The following MEGF9 variants were observed in gnomAD, a reference collection of about 807,000 sequenced individuals.
MEGF9 encodes multiple EGF like domains 9.
Under a neutral mutation model 46.8 loss-of-function variants are expected in MEGF9, and 6 were observed. That is an observed-to-expected ratio of 0.13 (90% CI 0.07 to 0.25). The LOEUF (loss-of-function observed/expected upper bound fraction) is 0.25, where lower values mean the gene tolerates loss of function less well. Among genes scored for constraint, MEGF9 ranks in the 10% least tolerant of loss-of-function variants. The probability of loss-of-function intolerance (pLI) is 1.00; values close to 1 mark genes in which losing one functional copy is unlikely to be tolerated. For synonymous variants in MEGF9, 302 were observed against 330.7 expected (o/e 0.91, Z 0.94); for missense variants, 683 against 792.4 (o/e 0.86, Z 1.66).
chr9:120,713,790 G>C lies in MEGF9; in HGVS notation c.569C>G (p.Pro190Arg). 5 of 1,296,056 alleles carry C rather than the reference G, an allele frequency of 3.9e-6. No homozygotes were observed. The highest frequency in any genetic ancestry group is 4.9e-6 in the Non-Finnish European group (5 of 1,021,696). 80.3% of individuals were successfully genotyped at this position (1,296,056 alleles called of 1,614,324 possible). A position where few individuals can be genotyped will look rare whatever the true frequency, so the allele number is the denominator to read the frequency against. Residue 190 changes from proline (P) to arginine (R), a missense_variant, in exon 1 of 6, where the codon CCT becomes CGT. Around this residue, in one of 2 missense-constraint regions of MEGF9, gnomAD observed 370 missense variants for 371.3 expected, o/e 1.00. Coordinates refer to ENST00000373930, the MANE Select transcript of MEGF9 (RefSeq NM_001080497.3). Reference sequence around the variant, plus strand: ...AGGCGAAGAGGGGGCCTCGGTGGCAGGTGGGGTGGGGAGGACGCTGCTGTT... The same window carrying C: ...AGGCGAAGAGGGGGCCTCGGTGGCACGTGGGGTGGGGAGGACGCTGCTGTT... ...SSNSSVLPTPPATEAPSSPPP... is the reference protein window; with the variant it reads ...SSNSSVLPTPRATEAPSSPPP...
Position 120,713,928 on chromosome 9 carries a change from G to A in MEGF9, c.431C>T (p.Ala144Val), listed in dbSNP as rs764275105. ...AGTGGTCGTCGAAAGGGTGGTCGGC[G>A]CGGGTCTGGTCGGCGCCTGAGAGGT... is the stretch of plus-strand genomic sequence containing the variant. ...STTSQAPTRP[A>V]PTTLSTTTGP... is the part of the protein sequence containing the mutation. Residue 144 changes from alanine (A) to valine (V), a missense_variant, in exon 1 of 6, where the codon GCG becomes GTG. Physicochemically the swap from Ala to Val is moderately conservative, Grantham distance 64 (BLOSUM62 0). Coordinates refer to ENST00000373930, the MANE Select transcript of MEGF9 (RefSeq NM_001080497.3). The A allele has an allele frequency of 1.5e-6, 2 of 1,361,638 alleles. No individual in the cohort carries two copies. Among genetic ancestry groups the A allele is most frequent in the Admixed American group, 5.8e-5 (2 of 34,782 alleles). 84.3% of individuals were successfully genotyped at this position (1,361,638 alleles called of 1,614,324 possible).
chr9:120,697,137 C>G (rs372366356), intron 1 of MEGF9, among the ~76,000 whole-genome samples: 8 of 152,212 alleles, frequency 5.3e-5, no homozygotes, highest in Non-Finnish European at 8.8e-5. Context: ...GGCTGGAGTA[C>G]AGTGGGATGA....
chr9:120,676,994 C>T (rs2043775952), intron 1 of MEGF9, among the ~76,000 whole-genome samples: 1 of 152,060 alleles, frequency 6.6e-6, no homozygotes, highest in Admixed American at 6.6e-5. Flanking sequence ...ACGTCAATAC[C>T]CTTCCTCATT....
At chr9:120,709,246 G>C (rs1273675706) in intron 1 of MEGF9, among the ~76,000 whole-genome samples, 1 of 151,702 alleles carries the variant, frequency 6.6e-6, no homozygotes, top group African/African-American at 2.4e-5. Flanking sequence ...GTGAAACCCT[G>C]TCTGTACTAA....
intron 1 of MEGF9, among the ~76,000 whole-genome samples, chr9:120,707,687 G>T (rs924978333): frequency 1.3e-5 from 2 of 152,158 alleles, no homozygotes; most frequent in Non-Finnish European, 2.9e-5. Context: ...ATATTAGGAT[G>T]ATGAAAACAT....
At chr9:120,703,964 C>T (rs1420223310) in intron 1 of MEGF9, among the ~76,000 whole-genome samples, 1 of 149,966 alleles carries the variant, frequency 6.7e-6, no homozygotes, top group Non-Finnish European at 1.5e-5. Flanking sequence ...CAGAGTGAGA[C>T]TCTATCTCAA....
At chr9:120,643,457 G>C (rs2043611680) in intron 2 of MEGF9, among the ~76,000 whole-genome samples, 1 of 152,118 alleles carries the variant, frequency 6.6e-6, no homozygotes, top group African/African-American at 2.4e-5. Context: ...ATCTAAAATG[G>C]CAGGTCAACA....
chr9:120,639,121 C>T (rs1269984215), intron 2 of MEGF9, among the ~76,000 whole-genome samples: 3 of 152,298 alleles, frequency 2.0e-5, no homozygotes, highest in African/African-American at 4.8e-5. Flanking sequence ...AGTCTCTTGA[C>T]AAACAGAAGT....
chr9:120,622,701 G>A lies in MEGF9; in HGVS notation c.858C>T (p.Cys286=). The change falls in exon 3 of 6, where the codon TGC becomes TGT. Residue 286 remains cysteine, a synonymous_variant. Transcript: ENST00000373930. ...VGVIGSICDR[C]QDGYYGFSKN... ...TACTAAAGCCATAATATCCATCTTG[G>A]CATCGGTCACATATAGAGCCAATGA... The A allele has an allele frequency of 6.2e-7, 1 of 1,613,676 alleles. No homozygotes were observed. Among genetic ancestry groups the A allele is most frequent in the Non-Finnish European group, 8.5e-7 (1 of 1,179,788 alleles).
intron 2 of MEGF9, among the ~76,000 whole-genome samples, chr9:120,646,299 G>A (rs2043626100): frequency 6.6e-6 from 1 of 151,912 alleles, no homozygotes; most frequent in Non-Finnish European, 1.5e-5. Flanking sequence ...ATCCAGTGTT[G>A]ATCTTTCTCC....
chr9:120,694,203 C>T (rs1040720314), intron 1 of MEGF9, among the ~76,000 whole-genome samples: 1 of 152,122 alleles, frequency 6.6e-6, no homozygotes, highest in Non-Finnish European at 1.5e-5. Context: ...GTCATTTTGC[C>T]ATCCTAGAAA....
chr9:120,641,404 C>T (rs1356557120), intron 2 of MEGF9, among the ~76,000 whole-genome samples: 1 of 152,088 alleles, frequency 6.6e-6, no homozygotes, highest in Non-Finnish European at 1.5e-5. Context: ...CCATCATGAC[C>T]CTACTGAATA....
intron 3 of MEGF9, among the ~76,000 whole-genome samples, chr9:120,615,441 C>T (rs1027127565): frequency 6.6e-6 from 1 of 151,582 alleles, no homozygotes; most frequent in Non-Finnish European, 1.5e-5. Flanking sequence ...TATAATTCTA[C>T]TCTCTTAAGC....
At chr9:120,620,394 A>G (rs1176387834) in intron 3 of MEGF9, among the ~76,000 whole-genome samples, 1 of 152,198 alleles carries the variant, frequency 6.6e-6, no homozygotes, top group African/African-American at 2.4e-5. Flanking sequence ...GTGAGTAGTT[A>G]CTATATGCTA....
chr9:120,695,063 A>T (rs1172851356), intron 1 of MEGF9, among the ~76,000 whole-genome samples: 1 of 150,528 alleles, frequency 6.6e-6, no homozygotes, highest in Non-Finnish European at 1.5e-5. Flanking sequence ...AGAGAGAGAG[A>T]GAGACAAAGA....
At chr9:120,672,473 A>AAATAAATAAATAAAT (rs1564425061) in intron 1 of MEGF9, among the ~76,000 whole-genome samples, 1 of 141,984 alleles carries the variant, frequency 7.0e-6, no homozygotes, top group African/African-American at 3.0e-5. Context: ...AATAAATAAA[A>AAATAAATAAATAAAT]AGCCAGGAAT....
intron 2 of MEGF9, among the ~76,000 whole-genome samples, chr9:120,624,376 C>T (rs59230124): frequency 0.057 from 8,620 of 151,980 alleles, 813 homozygotes; most frequent in African/African-American, 0.2. Flanking sequence ...TACAGGTATG[C>T]GCCACCACAT....
At chr9:120,625,535 TA>T (rs113176356) in intron 2 of MEGF9, among the ~76,000 whole-genome samples, 8,575 of 149,070 alleles carry the variant, frequency 0.058, 807 homozygotes, top group African/African-American at 0.2. Context: ...CTCTGTCTCT[TA>T]AAAAAAAGAT....
chr9:120,671,874 T>C (rs1334405897), intron 1 of MEGF9, among the ~76,000 whole-genome samples: 2 of 152,120 alleles, frequency 1.3e-5, no homozygotes, highest in African/African-American at 4.8e-5. Context: ...AAATAACCAG[T>C]AATATATAAA....
Sources: allele counts gnomAD v4.1 joint callset (sites outside exome capture counted in the v4.1 genomes callset), GRCh38; gene constraint gnomAD v4.1.1; regional missense constraint gnomAD v4.1.1; transcripts MANE v1.5; gene names NCBI Gene and HGNC (gene_info 2026-07-23, HGNC 2026-07-21).